Variants in RAB11FIP3 observed in about 807,000 individuals in gnomAD.
RAB11FIP3 encodes the protein RAB11 family interacting protein 3, also known as rab11 family-interacting protein 3.
In RAB11FIP3, 17 loss-of-function variants were observed where a neutral mutation model predicts 77.8. That is an observed-to-expected ratio of 0.22 (90% CI 0.15 to 0.33). RAB11FIP3 has a LOEUF of 0.33. RAB11FIP3 is among the 10% of genes least tolerant of loss of function. The probability of loss-of-function intolerance (pLI) is 1.00; values close to 1 mark genes in which losing one functional copy is unlikely to be tolerated. For missense variants in RAB11FIP3, 1,005 were observed against 1,011.2 expected (o/e 0.99, Z 0.08); for synonymous variants, 437 against 448.2 (o/e 0.98, Z 0.31).
intron 1 of RAB11FIP3, among the ~76,000 whole-genome samples, chr16:434,437 A>ATTTTTTTTTTTTTTTTTTTTTTT (rs1227780047): frequency 2.0e-5 from 3 of 148,782 alleles, no homozygotes; most frequent in African/African-American, 7.5e-5. Flanking sequence ...TGTATACTTT[A>ATTTTTTTTTTTTTTTTTTTTTTT]TTTTTTTGAT....
At chr16:454,757 G>A (rs2055468295) in intron 1 of RAB11FIP3, among the ~76,000 whole-genome samples, 1 of 152,040 alleles carries the variant, frequency 6.6e-6, no homozygotes, top group Admixed American at 6.6e-5. Flanking sequence ...ATAAGAACAG[G>A]CTTTCTTGGC....
In RAB11FIP3 at chr16:439,720, T is replaced by TC. The variant is rs747250481; in HGVS notation, c.714+13001dup. 3.0e-4 allele frequency among the ~76,000 whole-genome samples: 46 copies of TC among 152,106 alleles called. 1 individual carries two copies. Among genetic ancestry groups the TC allele is most frequent in the Non-Finnish European group, 1.3e-4 (9 of 68,038 alleles). On this transcript the variant is annotated intron_variant, in intron 1 of 13. Coordinates refer to ENST00000262305, the MANE Select transcript of RAB11FIP3 (RefSeq NM_014700.4). Reference sequence around the variant, plus strand: ...ATGCATTTTAGGGAGACATGAGACATCAATCAATATATGAAAGAAGTACAT... The same window carrying TC: ...ATGCATTTTAGGGAGACATGAGACATCCAATCAATATATGAAAGAAGTACAT...
In RAB11FIP3 at chr16:519,791, C is replaced by A; in HGVS notation, c.1760C>A (p.Thr587Lys). 1 of 1,611,290 alleles carries A rather than the reference C, an allele frequency of 6.2e-7. No individual in the cohort carries two copies. Among genetic ancestry groups the A allele is most frequent in the Non-Finnish European group, 8.5e-7 (1 of 1,179,044 alleles). ...CTGTTGGATGAGATAGAGTCGCTGA[C>A]GCTGCGGCTCAGTGAAGAGCAGGAG... The part of the protein sequence containing the change: ...QKLLDEIESL[T>K]LRLSEEQENK... The change falls in exon 11 of 14, where the codon ACG (threonine) becomes AAG (lysine). Residue 587 changes from threonine (T) to lysine (K), a missense_variant. By Grantham distance (78) the Thr-to-Lys change is moderately conservative. Transcript: ENST00000262305.
chr16:490,066 C>T (rs1390402880), intron 5 of RAB11FIP3, among the ~76,000 whole-genome samples: 2 of 152,216 alleles, frequency 1.3e-5, no homozygotes, highest in Non-Finnish European at 2.9e-5. Flanking sequence ...TTGGTAATCA[C>T]CTCTTCCTAC....
rs765639696 is a variant in RAB11FIP3, at chr16:482,611, C to T, written c.990C>T (p.Thr330=). The change falls in exon 4 of 14, where the codon ACC becomes ACT. Residue 330 remains threonine, a synonymous_variant. Coordinates refer to ENST00000262305, the MANE Select transcript of RAB11FIP3 (RefSeq NM_014700.4). ...CCTTCACGGACGAGGACACCAGCAC[C>T]CTGGTGCACCCTGAGCTGCAACCTG... ...CETFTDEDTS[T]LVHPELQPEG... 6 of 1,613,562 alleles carry T rather than the reference C, an allele frequency of 3.7e-6. No individual in the cohort carries two copies. The highest frequency in any genetic ancestry group is 2.2e-5 in the East Asian group (1 of 44,874).
rs1256451142 is a variant in RAB11FIP3, at chr16:522,445, G to A, written c.*1606G>A. On this transcript the variant is annotated 3_prime_UTR_variant, in exon 14 of 14. Coordinates refer to ENST00000262305, the MANE Select transcript of RAB11FIP3 (RefSeq NM_014700.4). ...GGCTCTTCCTGCCTGGATGCAGGAGGGCAGGGGCCACCACAGATTAAAGCT... is the reference window on the plus strand; with the variant it reads ...GGCTCTTCCTGCCTGGATGCAGGAGAGCAGGGGCCACCACAGATTAAAGCT... 6.6e-6 allele frequency: 1 copy of A among 151,894 alleles called. No individual in the cohort carries two copies. The highest frequency in any genetic ancestry group is 1.9e-4 in the East Asian group (1 of 5,152). 9.4% of individuals were successfully genotyped at this position (151,894 alleles called of 1,614,324 possible). A position where few individuals can be genotyped will look rare whatever the true frequency, so the allele number is the denominator to read the frequency against.
intron 3 of RAB11FIP3, among the ~76,000 whole-genome samples, chr16:473,059 G>A (rs948619351): frequency 6.6e-6 from 1 of 152,130 alleles, no homozygotes; most frequent in Non-Finnish European, 1.5e-5. Flanking sequence ...TTTGGACTTC[G>A]GGCCTCCAGA....
chr16:496,906 A>C, intron 6 of RAB11FIP3, 47 bp downstream of exon 6: 1 of 1,483,662 alleles, frequency 6.7e-7, no homozygotes, highest in Non-Finnish European at 9.3e-7. Flanking sequence ...GAAGTGGATA[A>C]TTAATCATAG....
intron 5 of RAB11FIP3, among the ~76,000 whole-genome samples, chr16:490,732 A>C (rs761273225): frequency 6.6e-6 from 1 of 152,254 alleles, no homozygotes; most frequent in Non-Finnish European, 1.5e-5. Flanking sequence ...CAGTAAGTAC[A>C]AGTTTACCCG....
Position 514,593 on chromosome 16 carries a change from A to G in RAB11FIP3, c.1640+3793A>G, listed in dbSNP as rs1307861304. ...TGGACATCCTTGTTTAGGGACCGGG[A>G]AAGGAGAATATGTGTCATCAGCAGA... On this transcript the variant is annotated intron_variant, in intron 9 of 13. Transcript: ENST00000262305. This position sits in a 1 kb window ranked among gnomAD's most constrained non-coding sequence, Gnocchi z 4.6. Among the ~76,000 whole-genome samples the G allele has an allele frequency of 6.6e-6, 1 of 152,104 alleles. No individual in the cohort carries two copies. The highest frequency in any genetic ancestry group is 1.5e-5 in the Non-Finnish European group (1 of 68,028).
At chr16:474,358 T>C (rs1187439241) in intron 3 of RAB11FIP3, among the ~76,000 whole-genome samples, 1 of 152,110 alleles carries the variant, frequency 6.6e-6, no homozygotes, top group Non-Finnish European at 1.5e-5. Context: ...GCCGAGCTAG[T>C]GGGTCTGCTG....
chr16:465,665 A>G (rs1011023700), intron 2 of RAB11FIP3, among the ~76,000 whole-genome samples: 1 of 152,098 alleles, frequency 6.6e-6, no homozygotes, highest in Non-Finnish European at 1.5e-5. Context: ...GCTAGAGTGC[A>G]GTGGTGTGAT....
chr16:479,850 CA>C (rs1297158364), intron 3 of RAB11FIP3, among the ~76,000 whole-genome samples: 2 of 151,864 alleles, frequency 1.3e-5, no homozygotes, highest in Non-Finnish European at 2.9e-5. Flanking sequence ...CCCAGGAGAT[CA>C]AGGCTGCAGT....
chr16:426,082 G>C lies in RAB11FIP3; in HGVS notation c.76G>C (p.Gly26Arg). Residue 26 changes from glycine to arginine, a missense_variant, in exon 1 of 14, where the codon GGG becomes CGG. Gly to Arg is a moderately radical substitution (Grantham distance 125). Around this residue, in one of 4 missense-constraint regions of RAB11FIP3, gnomAD observed 466 missense variants for 408.3 expected, o/e 1.14. Coordinates refer to ENST00000262305, the MANE Select transcript of RAB11FIP3 (RefSeq NM_014700.4). The surrounding 1 kb of genome is among the most constrained non-coding windows in gnomAD (Gnocchi z 5.0). ...GPDPEPGGPD[G>R]PGAAQLAPGP... ...CGACCCGGAGCCGGGCGGGCCGGAC[G>C]GGCCGGGGGCGGCACAACTGGCTCC... is the stretch of plus-strand genomic sequence containing the variant. The C allele has an allele frequency of 1.0e-6, 1 of 1,002,220 alleles. No individual in the cohort carries two copies. Among genetic ancestry groups the C allele is most frequent in the Non-Finnish European group, 1.2e-6 (1 of 842,656 alleles). 62.1% of individuals were successfully genotyped at this position (1,002,220 alleles called of 1,614,324 possible).
At chr16:459,922 G>T (rs2055575684) in intron 1 of RAB11FIP3, among the ~76,000 whole-genome samples, 1 of 141,552 alleles carries the variant, frequency 7.1e-6, no homozygotes, top group African/African-American at 2.6e-5. Flanking sequence ...CAATCACCTA[G>T]GCTGGAGTGC....
chr16:462,049 C>T (rs1458542455), intron 2 of RAB11FIP3, among the ~76,000 whole-genome samples: 1 of 152,222 alleles, frequency 6.6e-6, no homozygotes, highest in Non-Finnish European at 1.5e-5. Context: ...AAATGTACAG[C>T]TCACACCTGC....
In RAB11FIP3 at chr16:522,044, T is replaced by TGTCTGCGCGCATGTGTGCGTGCGTGC. The variant is rs58290701; in HGVS notation, c.*1205_*1206insGTCTGCGCGCATGTGTGCGTGCGTGC. ...CGCTGCGTGTGTGTGCGCGCGCGTG[T>TGTCTGCGCGCATGTGTGCGTGCGTGC]ACGTGTGGCCCCACATCCGCCGCCT... On this transcript the variant is annotated 3_prime_UTR_variant, in exon 14 of 14. Coordinates refer to ENST00000262305, the MANE Select transcript of RAB11FIP3 (RefSeq NM_014700.4). The TGTCTGCGCGCATGTGTGCGTGCGTGC allele has an allele frequency of 6.6e-6, 1 of 151,732 alleles. No homozygotes were observed. The highest frequency in any genetic ancestry group is 2.4e-5 in the African/African-American group (1 of 41,226). 9.4% of individuals were successfully genotyped at this position (151,732 alleles called of 1,614,324 possible).
Position 496,829 on chromosome 16 carries a change from C to A in RAB11FIP3, c.1271C>A (p.Thr424Lys). Residue 424 changes from threonine (T) to lysine (K), a missense_variant, in exon 6 of 14, where the codon ACA (threonine) becomes AAA (lysine). Transcript: ENST00000262305. The stretch of plus-strand genomic sequence containing the variant: ...TTATTTTGTTTTCTGCACAGTCCGA[C>A]AAAGCGGCTCTCCAGCAAGAAGGTG... ...SDPAFLTPSPTKRLSSKKVAR... is the reference protein window; with the variant it reads ...SDPAFLTPSPKKRLSSKKVAR... 1 of 1,596,482 alleles carries A rather than the reference C, an allele frequency of 6.3e-7. No homozygotes were observed. Among genetic ancestry groups the A allele is most frequent in the Non-Finnish European group, 8.6e-7 (1 of 1,164,054 alleles).
chr16:510,582 G>C, intron 8 of RAB11FIP3, 78 bp from the exon 9 acceptor site: 1 of 1,472,640 alleles, frequency 6.8e-7, no homozygotes, highest in Non-Finnish European at 9.0e-7. Context: ...TGGAGGTCCT[G>C]AGGCAGCTTC....
Sources: gnomAD v4.1 joint callset for allele counts (sites outside exome capture counted in the v4.1 genomes callset) on GRCh38, gnomAD v4.1.1 for gene constraint, gnomAD v4.1.1 regional missense constraint, Gnocchi (gnomAD v3.1) non-coding constraint, MANE v1.5 for transcripts, NCBI Gene and HGNC (gene_info 2026-07-23, HGNC 2026-07-21) for gene names.